Variants in ABAT observed in about 807,000 individuals in gnomAD.
ABAT encodes 4-aminobutyrate aminotransferase, also known as 4-aminobutyrate aminotransferase, mitochondrial.
In ABAT, 45 loss-of-function variants were observed where a neutral mutation model predicts 64.6. The ratio of observed to expected loss-of-function variants is 0.70; its 90% confidence interval spans 0.55 to 0.89. The LOEUF (loss-of-function observed/expected upper bound fraction) is 0.89. ABAT is among the 40% of genes least tolerant of loss of function. The pLI is 0.00. For synonymous variants in ABAT, 297 were observed against 250.5 expected, an observed-to-expected ratio of 1.19 and a Z score of -1.75; for missense variants, 633 against 658.4, an observed-to-expected ratio of 0.96 and a Z score of 0.42.
chr16:8,727,575 T>A (rs901502166), intron 1 of ABAT, among the ~76,000 whole-genome samples: 1 of 152,244 alleles, frequency 6.6e-6, no homozygotes, highest in Non-Finnish European at 1.5e-5. Flanking sequence ...TTCTATCTTA[T>A]GCAGAATTTG....
intron 1 of ABAT, among the ~76,000 whole-genome samples, chr16:8,676,564 C>G (rs1000223005): frequency 1.3e-5 from 2 of 152,196 alleles, no homozygotes; most frequent in Non-Finnish European, 2.9e-5. Context: ...TGGGTGTCAG[C>G]GCATCCCTGC....
chr16:8,709,555 G>T (rs1371087720), intron 1 of ABAT, among the ~76,000 whole-genome samples: 4 of 152,046 alleles, frequency 2.6e-5, no homozygotes, highest in African/African-American at 4.8e-5. Context: ...TGTATTTTCA[G>T]TAGAGACGGG....
intron 1 of ABAT, among the ~76,000 whole-genome samples, chr16:8,710,727 A>AGAGGGAGAGGGAGAGGGAGG (rs1555485684): frequency 5.8e-4 from 60 of 103,726 alleles, no homozygotes; most frequent in African/African-American, 1.7e-3. Flanking sequence ...AGAGAGAGAG[A>AGAGGGAGAGGGAGAGGGAGG]GAGGAAATAG....
intron 1 of ABAT, among the ~76,000 whole-genome samples, chr16:8,732,203 T>G (rs1330605435): frequency 4.4e-4 from 9 of 20,386 alleles, no homozygotes; most frequent in Admixed American, 7.4e-4. Flanking sequence ...TTTGTTTTTT[T>G]TTTTTGTTTG....
intron 1 of ABAT, among the ~76,000 whole-genome samples, chr16:8,717,582 A>T (rs1295741): frequency 0.4 from 60,970 of 151,906 alleles, 13,941 homozygotes; most frequent in African/African-American, 0.63. Flanking sequence ...ATTAATACAC[A>T]CTGGCCCTGG....
chr16:8,707,239 T>A (rs1164735168), intron 1 of ABAT, among the ~76,000 whole-genome samples: 1 of 151,826 alleles, frequency 6.6e-6, no homozygotes, highest in Non-Finnish European at 1.5e-5. Context: ...CAGGCTTGAG[T>A]ACAGTGGTGC....
At chr16:8,770,896 T>G (rs2060086097) in intron 11 of ABAT, among the ~76,000 whole-genome samples, 1 of 152,236 alleles carries the variant, frequency 6.6e-6, no homozygotes, top group African/African-American at 2.4e-5. Context: ...ATTCCTTTAT[T>G]TTAAAAATTC....
chr16:8,777,575 G>T (rs1641027), intron 14 of ABAT, among the ~76,000 whole-genome samples: 111,643 of 151,652 alleles, frequency 0.74, 41,079 homozygotes, highest in South Asian at 0.76. Context: ...AGGACGTGTG[G>T]GGATGTGTGT....
At chr16:8,778,135 C>T (rs1227948441) in intron 14 of ABAT, among the ~76,000 whole-genome samples, 1 of 152,118 alleles carries the variant, frequency 6.6e-6, no homozygotes, top group Admixed American at 6.5e-5. Context: ...TGCTGTCCTT[C>T]ATATGGACAG....
chr16:8,775,698 C>A (rs948969941), intron 13 of ABAT, among the ~76,000 whole-genome samples: 9 of 152,170 alleles, frequency 5.9e-5, no homozygotes, highest in African/African-American at 2.2e-4. Context: ...CAATTCTAGG[C>A]AGTAGGAAAG....
At chr16:8,772,193 G>A (rs980670899) in intron 11 of ABAT, among the ~76,000 whole-genome samples, 3 of 151,518 alleles carry the variant, frequency 2.0e-5, no homozygotes, top group Admixed American at 6.6e-5. Flanking sequence ...CGTGCTAATC[G>A]TAATAGTAGC....
intron 1 of ABAT, among the ~76,000 whole-genome samples, chr16:8,703,681 C>A (rs534873440): frequency 1.2e-4 from 18 of 152,108 alleles, no homozygotes; most frequent in Non-Finnish European, 2.2e-4. Flanking sequence ...AAAAACTGAA[C>A]TCTGCTTGAA....
At chr16:8,743,278 T>A (rs2059217028) in intron 2 of ABAT, among the ~76,000 whole-genome samples, 1 of 147,612 alleles carries the variant, frequency 6.8e-6, no homozygotes, top group Non-Finnish European at 1.5e-5. Context: ...CAAAATCTCA[T>A]AGCTTTGTAT....
chr16:8,682,566 A>G (rs1048356856), intron 1 of ABAT, among the ~76,000 whole-genome samples: 1 of 151,452 alleles, frequency 6.6e-6, no homozygotes, highest in Non-Finnish European at 1.5e-5. Flanking sequence ...AATGCTCCCA[A>G]CTCTATTTCC....
At chr16:8,757,848 A>C in intron 6 of ABAT, 42 bp downstream of exon 6, 1 of 1,591,704 alleles carries the variant, frequency 6.3e-7, no homozygotes, top group African/African-American at 1.3e-5. Flanking sequence ...AAATATGTTC[A>C]TGGCCATTCA....
chr16:8,705,935 G>A lies in ABAT; in HGVS notation c.-41-29764G>A, dbSNP rs578120998. On this transcript the variant is annotated intron_variant, in intron 1 of 15. Coordinates refer to ENST00000268251, the MANE Select transcript of ABAT (RefSeq NM_020686.6). ...TTATGAATTTGCACACAGTGGAATC[G>A]CAACAATTTGTTTTATAGTTCTGTC... Among the ~76,000 whole-genome samples the A allele has an allele frequency of 3.9e-5, 6 of 152,256 alleles. 1 individual carries two copies. The East Asian group carries it at 7.7e-4, about 20-fold the overall frequency.
intron 11 of ABAT, among the ~76,000 whole-genome samples, chr16:8,772,252 CTGTGTG>C (rs55677241): frequency 0.043 from 6,362 of 147,908 alleles, 171 homozygotes; most frequent in South Asian, 0.064. Flanking sequence ...CTCTCTGTCT[CTGTGTG>C]TGTGTGTGTG....
chr16:8,738,604 G>GTTT, intron 2 of ABAT: 1 of 258,976 alleles, frequency 3.9e-6, no homozygotes, highest in Non-Finnish European at 7.1e-6. Flanking sequence ...TTTCTTTTTT[G>GTTT]TTTTTGTTTT....
chr16:8,755,699 G>C (rs113126133), intron 5 of ABAT, among the ~76,000 whole-genome samples: 6,232 of 151,546 alleles, frequency 0.041, 436 homozygotes, highest in African/African-American at 0.14. Flanking sequence ...TCACTTGAGG[G>C]CAGGAGTTCA....
Sources: gnomAD v4.1 joint callset for allele counts (sites outside exome capture counted in the v4.1 genomes callset) on GRCh38, gnomAD v4.1.1 for gene constraint, MANE v1.5 for transcripts, NCBI Gene and HGNC (gene_info 2026-07-23, HGNC 2026-07-21) for gene names.